The following ENOX1 variants were observed in gnomAD, a reference collection of about 807,000 sequenced individuals.
The protein encoded by ENOX1 is candidate growth-related and time keeping constitutive hydroquinone (NADH) oxidase.
In ENOX1, 42 loss-of-function variants were observed where a neutral mutation model predicts 82.5. That is an observed-to-expected ratio of 0.51 (90% CI 0.40 to 0.66). The LOEUF is 0.66. ENOX1 is among the 30% of genes least tolerant of loss of function. The pLI, the probability that ENOX1 is intolerant of heterozygous loss-of-function variation, is 0.00. For missense variants in ENOX1, 608 were observed against 811.6 expected (o/e 0.75, Z 3.05); for synonymous variants, 271 against 282.2 (o/e 0.96, Z 0.40).
In ENOX1 at chr13:43,602,415, A is replaced by C. The variant is rs577007330; in HGVS notation, c.-219+65064T>G. ...GATGGCAAATATATGAAATAATTTT[A>C]AAACCTTATTTGTGATCAAATGAAA... On this transcript the variant is annotated intron_variant, in intron 2 of 16. Coordinates refer to ENST00000690772, the MANE Select transcript of ENOX1 (RefSeq NM_001347969.2). Among the ~76,000 whole-genome samples, 5 of 152,294 alleles carry C rather than the reference A, an allele frequency of 3.3e-5. No individual in the cohort carries two copies. In the East Asian group the frequency reaches 7.7e-4, roughly 23 times the overall value.
intron 3 of ENOX1, among the ~76,000 whole-genome samples, chr13:43,420,225 T>C (rs2054894117): frequency 6.6e-6 from 1 of 152,196 alleles, no homozygotes; most frequent in Non-Finnish European, 1.5e-5. Context: ...AATTGTGAAG[T>C]AGGTATGCTT....
chr13:43,388,592 T>A (rs147001589), intron 5 of ENOX1, among the ~76,000 whole-genome samples: 1 of 152,148 alleles, frequency 6.6e-6, no homozygotes, highest in African/African-American at 2.4e-5. Flanking sequence ...GTGGAGTGTA[T>A]CCATTTCACA....
chr13:43,309,256 A>C (rs1404387677), intron 11 of ENOX1, among the ~76,000 whole-genome samples: 1 of 152,082 alleles, frequency 6.6e-6, no homozygotes, highest in Non-Finnish European at 1.5e-5. Flanking sequence ...TCTTGACCTC[A>C]AATGATCCGC....
At chr13:43,445,204 A>G (rs1333945626) in intron 3 of ENOX1, among the ~76,000 whole-genome samples, 4 of 150,878 alleles carry the variant, frequency 2.7e-5, no homozygotes, top group East Asian at 1.9e-4. Flanking sequence ...GCTCACTGCA[A>G]GCTCCACCTC....
intron 2 of ENOX1, among the ~76,000 whole-genome samples, chr13:43,552,444 C>G (rs2153700319): frequency 6.6e-6 from 1 of 151,746 alleles, no homozygotes; most frequent in East Asian, 1.9e-4. Context: ...CTCCCTTCTT[C>G]TTTCTCATTT....
At chr13:43,357,794 A>G (rs755766487) in intron 7 of ENOX1, among the ~76,000 whole-genome samples, 1 of 152,220 alleles carries the variant, frequency 6.6e-6, no homozygotes, top group Non-Finnish European at 1.5e-5. Flanking sequence ...CTAGGCCTTC[A>G]AACGTGAATG....
chr13:43,319,078 T>C (rs2047669684), intron 11 of ENOX1, among the ~76,000 whole-genome samples: 1 of 152,156 alleles, frequency 6.6e-6, no homozygotes, highest in Non-Finnish European at 1.5e-5. Flanking sequence ...CAGATCTGGA[T>C]TTTAAAGTCT....
At chr13:43,514,703 T>C (rs1266350806) in intron 2 of ENOX1, among the ~76,000 whole-genome samples, 2 of 152,194 alleles carry the variant, frequency 1.3e-5, no homozygotes, top group African/African-American at 4.8e-5. Flanking sequence ...GATTAGTTTG[T>C]AGAATATTTG....
At chr13:43,684,873 T>C (rs116109776) in intron 1 of ENOX1, among the ~76,000 whole-genome samples, 3,907 of 152,262 alleles carry the variant, frequency 0.026, 63 homozygotes, top group African/African-American at 0.047. Context: ...GGAATGCATA[T>C]GTTATACTCA....
At chr13:43,769,775 T>G (rs1951483946) in intron 1 of ENOX1, among the ~76,000 whole-genome samples, 1 of 152,190 alleles carries the variant, frequency 6.6e-6, no homozygotes, top group Non-Finnish European at 1.5e-5. Flanking sequence ...CCTCAAATGA[T>G]GTCAGTTCCA....
At chr13:43,572,175 C>A (rs766128109) in intron 2 of ENOX1, among the ~76,000 whole-genome samples, 1 of 152,070 alleles carries the variant, frequency 6.6e-6, no homozygotes, top group Non-Finnish European at 1.5e-5. Flanking sequence ...GAAAAAAATT[C>A]TCCCCAATTC....
chr13:43,326,282 T>G, intron 10 of ENOX1, 137 bp downstream of exon 10: 1 of 704,218 alleles, frequency 1.4e-6, no homozygotes, highest in Non-Finnish European at 2.5e-6. Flanking sequence ...CTCAGCTGCA[T>G]TTGGAGCTGA....
At chr13:43,390,676 G>A (rs1444514828) in intron 5 of ENOX1, among the ~76,000 whole-genome samples, 1 of 152,062 alleles carries the variant, frequency 6.6e-6, no homozygotes, top group Non-Finnish European at 1.5e-5. Flanking sequence ...TTCCAAAAGT[G>A]TACTGTCATA....
chr13:43,371,996 A>T (rs899432313), intron 5 of ENOX1, among the ~76,000 whole-genome samples: 2 of 152,234 alleles, frequency 1.3e-5, no homozygotes, highest in African/African-American at 4.8e-5. Context: ...AGGGTCCAAC[A>T]TGGCTCTTGG....
chr13:43,233,629 G>A (rs1277631146), intron 15 of ENOX1, among the ~76,000 whole-genome samples: 2 of 150,714 alleles, frequency 1.3e-5, no homozygotes, highest in Admixed American at 1.3e-4. Context: ...TCCATTTGAA[G>A]AGCTTTTTTC....
intron 1 of ENOX1, among the ~76,000 whole-genome samples, chr13:43,779,932 A>G (rs750672499): frequency 2.2e-4 from 33 of 152,240 alleles, no homozygotes; most frequent in Non-Finnish European, 4.4e-4. Context: ...CAAGGCGGGC[A>G]GATCACGAAG....
At chr13:43,245,987 A>G (rs186211538) in intron 14 of ENOX1, among the ~76,000 whole-genome samples, 314 of 152,336 alleles carry the variant, frequency 2.1e-3, no homozygotes, top group Admixed American at 4.4e-3. Flanking sequence ...CCCTTTAAAG[A>G]AAGATAAAAA....
At chr13:43,537,043 G>C (rs892677673) in intron 2 of ENOX1, among the ~76,000 whole-genome samples, 1 of 152,150 alleles carries the variant, frequency 6.6e-6, no homozygotes. Context: ...ACCACACATA[G>C]GTAAAGTCTT....
chr13:43,243,626 T>TC (rs1054157078), intron 14 of ENOX1, among the ~76,000 whole-genome samples: 6 of 152,198 alleles, frequency 3.9e-5, no homozygotes, highest in African/African-American at 1.4e-4. Context: ...TGCAGGAACC[T>TC]CCTACTTTGT....
Sources: allele counts gnomAD v4.1 joint callset (sites outside exome capture counted in the v4.1 genomes callset), GRCh38; gene constraint gnomAD v4.1.1; transcripts MANE v1.5; gene names NCBI Gene and HGNC (gene_info 2026-07-23, HGNC 2026-07-21).